Variants in NSD1 observed in about 807,000 individuals in gnomAD.
NSD1 encodes nuclear receptor binding SET domain protein 1.
Under a neutral mutation model 242.7 loss-of-function variants are expected in NSD1, and 26 were observed. The ratio of observed to expected loss-of-function variants is 0.11; its 90% CI spans 0.08 to 0.15. The LOEUF is 0.15. Among genes scored for constraint, NSD1 ranks in the 10% least tolerant of loss-of-function variants. The pLI is 1.00. For missense variants in NSD1, 2,495 were observed against 3,272.8 expected (o/e 0.76, Z 5.80); for synonymous variants, 1,106 against 1,178.1 (o/e 0.94, Z 1.25).
At chr5:177,262,700 G>A (rs10044142) in intron 14 of NSD1, among the ~76,000 whole-genome samples, 11,991 of 152,244 alleles carry the variant, frequency 0.079, 989 homozygotes, top group African/African-American at 0.21. Context: ...CCAACATGGC[G>A]AAACCCCATC....
Position 177,227,449 on chromosome 5 carries a change from T to C in NSD1, c.3797-8372T>C, listed in dbSNP as rs1764714984. ...TCATTAACTTTGGATTTTTATGAGT[T>C]AAATATTATTATTATTATTTTTAGA... On this transcript the variant is annotated intron_variant, in intron 5 of 22. Transcript: ENST00000439151. Among the ~76,000 whole-genome samples, 3 of 152,162 alleles carry C rather than the reference T, an allele frequency of 2.0e-5. No homozygotes were observed. The South Asian group carries it at 6.2e-4, about 31-fold the overall frequency.
In NSD1 at chr5:177,298,689, G is replaced by A. The variant is rs535362137; in HGVS notation, c.*3230G>A. The A allele has an allele frequency of 1.7e-5, 4 of 233,266 alleles. No homozygotes were observed. The South Asian group carries it at 5.4e-4, about 32-fold the overall frequency. The allele number at this position is 233,266 out of a possible 1,614,324, so 14.4% of individuals were successfully genotyped here. On this transcript the variant is annotated 3_prime_UTR_variant, in exon 23 of 23. Transcript: ENST00000439151. The stretch of plus-strand genomic sequence containing the variant: ...TGGTCAGGGCATGAAACACCCTGTT[G>A]ATCCCTTCCCAGGCTCGGCACTGTC...
intron 5 of NSD1, among the ~76,000 whole-genome samples, chr5:177,225,055 G>A (rs1764530445): frequency 6.6e-6 from 1 of 152,084 alleles, no homozygotes; most frequent in South Asian, 2.1e-4. Flanking sequence ...GTATTTTGCT[G>A]AAGATTTAAA....
chr5:177,166,727 A>G (rs576522663), intron 2 of NSD1, among the ~76,000 whole-genome samples: 20 of 148,666 alleles, frequency 1.3e-4, no homozygotes, highest in Non-Finnish European at 2.1e-4. Flanking sequence ...TAGGCCCTTG[A>G]TAACATTTTG....
At chr5:177,179,790 T>C (rs1245378207) in intron 2 of NSD1, among the ~76,000 whole-genome samples, 1 of 152,100 alleles carries the variant, frequency 6.6e-6, no homozygotes, top group African/African-American at 2.4e-5. Flanking sequence ...ATTCTTAGAG[T>C]TGGAAATAAG....
At chr5:177,162,683 A>T in intron 2 of NSD1, among the ~76,000 whole-genome samples, 1 of 149,290 alleles carries the variant, frequency 6.7e-6, no homozygotes, top group East Asian at 2.0e-4. Context: ...TGCCTTGCCC[A>T]TTATAGCTTT....
intron 2 of NSD1, among the ~76,000 whole-genome samples, chr5:177,137,898 A>C (rs1756471285): frequency 6.6e-6 from 1 of 152,062 alleles, no homozygotes; most frequent in Non-Finnish European, 1.5e-5. Flanking sequence ...AGTCTGGCCA[A>C]CATGGTGAAA....
chr5:177,292,296 A>G, intron 22 of NSD1, 138 bp downstream of exon 22: 2 of 848,688 alleles, frequency 2.4e-6, no homozygotes, highest in Admixed American at 2.1e-5. Flanking sequence ...CTATTTTCTT[A>G]TTTTGGAAAT....
At chr5:177,165,903 C>T (rs1238183939) in intron 2 of NSD1, among the ~76,000 whole-genome samples, 1 of 147,796 alleles carries the variant, frequency 6.8e-6, no homozygotes, top group Non-Finnish European at 1.5e-5. Context: ...TGCTCCCAGC[C>T]CACAATCTTT....
intron 21 of NSD1, among the ~76,000 whole-genome samples, chr5:177,290,072 C>T (rs1304273179): frequency 6.6e-6 from 1 of 151,680 alleles, no homozygotes; most frequent in African/African-American, 2.4e-5. Flanking sequence ...TCGTGATCCG[C>T]CCGCCTTAGC....
intron 17 of NSD1, among the ~76,000 whole-genome samples, chr5:177,274,913 T>C (rs1411479842): frequency 6.6e-6 from 1 of 151,872 alleles, no homozygotes; most frequent in Non-Finnish European, 1.5e-5. Flanking sequence ...TTTGTATTTT[T>C]AGTAGAGACG....
chr5:177,234,104 A>T (rs1486558124), intron 5 of NSD1, among the ~76,000 whole-genome samples: 5 of 152,230 alleles, frequency 3.3e-5, no homozygotes, highest in African/African-American at 4.8e-5. Flanking sequence ...GGTGATTTTG[A>T]TGGCTTCTTC....
intron 14 of NSD1, among the ~76,000 whole-genome samples, chr5:177,267,242 T>C (rs1364588431): frequency 6.6e-6 from 1 of 152,194 alleles, no homozygotes; most frequent in Non-Finnish European, 1.5e-5. Context: ...GGTAATTTAT[T>C]AGCTAGGTGA....
chr5:177,204,824 G>A (rs1166512902), intron 4 of NSD1, among the ~76,000 whole-genome samples: 1 of 151,904 alleles, frequency 6.6e-6, no homozygotes, highest in Non-Finnish European at 1.5e-5. Flanking sequence ...CAGTGGGCTG[G>A]GGCTAGCTTG....
intron 5 of NSD1, among the ~76,000 whole-genome samples, chr5:177,232,423 A>G (rs1765130506): frequency 6.6e-6 from 1 of 152,230 alleles, no homozygotes; most frequent in African/African-American, 2.4e-5. Context: ...ATCTTTTTGA[A>G]TATTGACATA....
At chr5:177,154,312 A>G (rs772246861) in intron 2 of NSD1, among the ~76,000 whole-genome samples, 2 of 152,166 alleles carry the variant, frequency 1.3e-5, no homozygotes, top group African/African-American at 2.4e-5. Context: ...AAAGGCATGA[A>G]TACCATCAGG....
rs145884317 is a variant in NSD1 at position 177,234,693 on chromosome 5, G to A, written c.3797-1128G>A. On this transcript the variant is annotated intron_variant, in intron 5 of 22. Coordinates refer to ENST00000439151, the MANE Select transcript of NSD1 (RefSeq NM_022455.5). ...ATCATGCTGCTGCACGCCAGCCTGG[G>A]TGACAGAGTGAGCCCCCGTCTCAAA... Among the ~76,000 whole-genome samples the A allele has an allele frequency of 5.8e-3, 878 of 152,256 alleles. 7 individuals are homozygous for A. The highest frequency in any genetic ancestry group is 0.02 in the African/African-American group (844 of 41,530).
intron 5 of NSD1, among the ~76,000 whole-genome samples, chr5:177,228,401 G>A (rs1764801350): frequency 2.0e-5 from 3 of 151,936 alleles, no homozygotes; most frequent in South Asian, 4.2e-4. Context: ...ATTTTTAGTA[G>A]GGACGGGATT....
At chr5:177,232,009 C>T (rs933218442) in intron 5 of NSD1, among the ~76,000 whole-genome samples, 3 of 152,126 alleles carry the variant, frequency 2.0e-5, no homozygotes, top group Admixed American at 6.5e-5. Context: ...AAGCCATCCT[C>T]CTGCTTCAGT....
Sources: allele counts gnomAD v4.1 joint callset (sites outside exome capture counted in the v4.1 genomes callset), GRCh38; gene constraint gnomAD v4.1.1; transcripts MANE v1.5; gene names NCBI Gene and HGNC (gene_info 2026-07-23, HGNC 2026-07-21).